SLC35F2: variants seen among roughly 807,000 people sequenced by gnomAD.
SLC35F2 encodes the protein queuine/queuosine transporter SLC35F2.
SLC35F2 carries 25 observed loss-of-function variants against 38.1 expected under a neutral mutation model. The ratio of observed to expected loss-of-function variants is 0.66; its 90% CI spans 0.48 to 0.92. The LOEUF is 0.92. SLC35F2 is among the 40% of genes least tolerant of loss of function. The pLI, the probability that SLC35F2 is intolerant of heterozygous loss-of-function variation, is 0.00. For synonymous variants in SLC35F2, 173 were observed against 181.7 expected, an observed-to-expected ratio of 0.95 and a Z score of 0.38; for missense variants, 409 against 452.9, an observed-to-expected ratio of 0.90 and a Z score of 0.88.
chr11:107,813,274 A>G, intron 2 of SLC35F2, among the ~76,000 whole-genome samples: 1 of 152,048 alleles, frequency 6.6e-6, no homozygotes, highest in Non-Finnish European at 1.5e-5. Context: ...GAGAAACCCC[A>G]TCTCTATTAA....
intron 1 of SLC35F2, among the ~76,000 whole-genome samples, chr11:107,839,115 T>C (rs1354357656): frequency 6.6e-6 from 1 of 152,198 alleles, no homozygotes; most frequent in Non-Finnish European, 1.5e-5. Flanking sequence ...AAATATACCA[T>C]ATGTAATACT....
intron 7 of SLC35F2, among the ~76,000 whole-genome samples, chr11:107,796,908 A>C (rs1284321243): frequency 1.3e-5 from 2 of 152,142 alleles, no homozygotes; most frequent in African/African-American, 2.4e-5. Context: ...CTTGAGCTCA[A>C]GCAATCTGTG....
chr11:107,821,170 G>A (rs1445474679), intron 1 of SLC35F2, among the ~76,000 whole-genome samples: 1 of 152,238 alleles, frequency 6.6e-6, no homozygotes, highest in East Asian at 1.9e-4. Flanking sequence ...TCTCATAATG[G>A]ACTTGAAAGC....
intron 7 of SLC35F2, among the ~76,000 whole-genome samples, chr11:107,798,026 C>G (rs1859248805): frequency 6.6e-6 from 1 of 151,666 alleles, no homozygotes; most frequent in Non-Finnish European, 1.5e-5. Context: ...TTTTTTGAGA[C>G]AGAGTCTTGC....
intron 1 of SLC35F2, among the ~76,000 whole-genome samples, chr11:107,824,766 T>C (rs1859727361): frequency 6.6e-6 from 1 of 152,226 alleles, no homozygotes; most frequent in African/African-American, 2.4e-5. Flanking sequence ...GTGCATTTTA[T>C]TTCCTTCCTT....
chr11:107,827,510 A>C (rs1188191729), intron 1 of SLC35F2, among the ~76,000 whole-genome samples: 1 of 152,166 alleles, frequency 6.6e-6, no homozygotes, highest in African/African-American at 2.4e-5. Context: ...GCACTTCAGG[A>C]GGCCGGGGCG....
chr11:107,830,151 C>G (rs2134822594), intron 1 of SLC35F2, among the ~76,000 whole-genome samples: 1 of 151,996 alleles, frequency 6.6e-6, no homozygotes, highest in South Asian at 2.1e-4. Flanking sequence ...TATTTTGTTA[C>G]TTAGTAAATT....
intron 1 of SLC35F2, among the ~76,000 whole-genome samples, chr11:107,833,146 A>T (rs1859875377): frequency 6.6e-6 from 1 of 152,170 alleles, no homozygotes; most frequent in African/African-American, 2.4e-5. Flanking sequence ...CAGTTTACAA[A>T]AACTCTTCTA....
rs775475624 is a variant in SLC35F2 at position 107,858,643 on chromosome 11, G to GC, written c.110+14dup. 1 of 1,281,804 alleles carries GC rather than the reference G, an allele frequency of 7.8e-7. No individual in the cohort carries two copies. Among genetic ancestry groups the GC allele is most frequent in the Admixed American group, 3.6e-5 (1 of 27,724 alleles). 79.4% of individuals were successfully genotyped at this position (1,281,804 alleles called of 1,614,324 possible). ...CCACGCCCCAGCGGAGCTGCAGCAC[G>GC]CCCCTTCCACTCACCAGGTGAAGAG... On this transcript the variant is annotated intron_variant, in intron 1 of 7. Coordinates refer to ENST00000525815, the MANE Select transcript of SLC35F2 (RefSeq NM_017515.5).
In SLC35F2 at chr11:107,817,562, G is replaced by A. The variant is rs375088102; in HGVS notation, c.111-1597C>T. On this transcript the variant is annotated intron_variant, in intron 1 of 7. Transcript: ENST00000525815. ...TCATTTCTCATGTCTAAAACCTTTC[G>A]GTGGCTGGTTCCTCTCTGGCCTTAG... Among the ~76,000 whole-genome samples the A allele has an allele frequency of 1.5e-4, 23 of 152,014 alleles. No individual in the cohort carries two copies. The South Asian group carries it at 2.3e-3, about 15-fold the overall frequency.
intron 7 of SLC35F2, 81 bp from the exon 8 acceptor site, chr11:107,792,881 G>A: frequency 7.0e-7 from 1 of 1,425,674 alleles, no homozygotes; most frequent in Non-Finnish European, 9.2e-7. Flanking sequence ...GTGCTTCGAG[G>A]ATTACCCTCT....
chr11:107,816,015 T>A, intron 1 of SLC35F2, 50 bp from the exon 2 acceptor site: 1 of 1,227,544 alleles, frequency 8.1e-7, no homozygotes, highest in Non-Finnish European at 1.1e-6. Context: ...AGTTATACCT[T>A]ACACACACAC....
rs1262213984 is a variant in SLC35F2 at position 107,818,090 on chromosome 11, A to AAGAAAGAG, written c.111-2126_111-2125insCTCTTTCT. ...AAAAAAAAAAAGAAAGAAAGAAAGA[A>AAGAAAGAG]AGAAAGAAAGAAAGAAAGAAAGAAA... is the stretch of plus-strand genomic sequence containing the variant. On this transcript the variant is annotated intron_variant, in intron 1 of 7. Transcript: ENST00000525815. Among the ~76,000 whole-genome samples, 25 of 124,850 alleles carry AAGAAAGAG rather than the reference A, an allele frequency of 2.0e-4. 2 individuals carry two copies. Among genetic ancestry groups the AAGAAAGAG allele is most frequent in the Admixed American group, 6.0e-4 (8 of 13,344 alleles). The allele number at this position is 124,850 out of a possible 152,430, so 81.9% of individuals were successfully genotyped here.
chr11:107,833,518 CAAAA>C (rs34376803), intron 1 of SLC35F2, among the ~76,000 whole-genome samples: 2 of 89,560 alleles, frequency 2.2e-5, no homozygotes, highest in Admixed American at 1.1e-4. Context: ...GACTCTGTCT[CAAAA>C]AAAAAAAAAA....
In SLC35F2 at chr11:107,798,235, CT is replaced by C. The variant is rs1238709482; in HGVS notation, c.939+4765del. On this transcript the variant is annotated intron_variant, in intron 7 of 7. Transcript: ENST00000525815. ...GCCGGGCTCGTCTCAAACTCCTGAA[CT>C]AAAGTGACCCACTCACCTCAGTCTC... Among the ~76,000 whole-genome samples, 9 of 152,256 alleles carry C rather than the reference CT, an allele frequency of 5.9e-5. No homozygotes were observed. The East Asian group carries it at 1.5e-3, about 26-fold the overall frequency.
At chr11:107,805,615 A>C in intron 4 of SLC35F2, 100 bp from the exon 5 acceptor site, 2 of 1,472,594 alleles carry the variant, frequency 1.4e-6, no homozygotes, top group Non-Finnish European at 1.8e-6. Context: ...TTTAAATGAC[A>C]CTAAAGAAGA....
intron 3 of SLC35F2, among the ~76,000 whole-genome samples, chr11:107,808,882 G>A (rs139522147): frequency 2.1e-4 from 32 of 152,248 alleles, no homozygotes; most frequent in East Asian, 3.9e-4. Flanking sequence ...AGTAGAAAAA[G>A]ACATTCTAAG....
intron 1 of SLC35F2, among the ~76,000 whole-genome samples, chr11:107,839,007 G>T (rs1452744722): frequency 3.3e-5 from 5 of 152,126 alleles, no homozygotes; most frequent in Non-Finnish European, 4.4e-5. Context: ...AAAAATAGTT[G>T]TAACAGTTTC....
intron 1 of SLC35F2, among the ~76,000 whole-genome samples, chr11:107,835,741 G>A (rs1455392117): frequency 2.8e-5 from 3 of 105,858 alleles, no homozygotes; most frequent in Admixed American, 2.4e-4. Flanking sequence ...ATTCAATTCA[G>A]CATGTTTTTT....
Sources: allele counts gnomAD v4.1 joint callset (sites outside exome capture counted in the v4.1 genomes callset), GRCh38; gene constraint gnomAD v4.1.1; transcripts MANE v1.5; gene names NCBI Gene and HGNC (gene_info 2026-07-23, HGNC 2026-07-21).